Variants in CNTLN observed in about 807,000 individuals in gnomAD.
CNTLN encodes the protein centlein.
A neutral mutation model predicts 180.0 loss-of-function variants in CNTLN; 212 were observed. The ratio of observed to expected loss-of-function variants is 1.18; its 90% CI spans 1.05 to 1.32. The LOEUF is 1.32. CNTLN is among the 40% of genes most tolerant of loss of function. The pLI, the probability that CNTLN is intolerant of heterozygous loss-of-function variation, is 0.00. For synonymous variants in CNTLN, 722 were observed against 563.1 expected, an observed-to-expected ratio of 1.28 and a Z score of -3.99; for missense variants, 2,095 against 1,610.9, an observed-to-expected ratio of 1.30 and a Z score of -5.14.
intron 18 of CNTLN, among the ~76,000 whole-genome samples, chr9:17,417,641 G>A (rs1350424330): frequency 1.3e-5 from 2 of 151,888 alleles, no homozygotes; most frequent in African/African-American, 4.8e-5. Context: ...ATTCTCCTTG[G>A]AAAAGGATTT....
intron 5 of CNTLN, among the ~76,000 whole-genome samples, chr9:17,267,030 C>A (rs1344284350): frequency 6.6e-6 from 1 of 152,034 alleles, no homozygotes; most frequent in Non-Finnish European, 1.5e-5. Flanking sequence ...AGCATGTTGC[C>A]CATTTACATT....
chr9:17,255,091 T>C (rs1346770665), intron 5 of CNTLN, among the ~76,000 whole-genome samples: 2 of 151,820 alleles, frequency 1.3e-5, no homozygotes, highest in Non-Finnish European at 3.0e-5. Context: ...TGTTAGTGTA[T>C]AGAATCTTAA....
At chr9:17,247,779 CTTTTT>C (rs572267371) in intron 5 of CNTLN, among the ~76,000 whole-genome samples, 1 of 108,482 alleles carries the variant, frequency 9.2e-6, no homozygotes, top group Non-Finnish European at 2.0e-5. Flanking sequence ...AATACTTTTA[CTTTTT>C]TTTTTTTTTT....
At position 17,486,963 on chromosome 9, in the gene CNTLN, C is replaced by A. The variant is rs565373920; in HGVS notation, c.4042-26C>A. The stretch of plus-strand genomic sequence containing the variant: ...CAAGTTCATATAAATTTCGTTAACA[C>A]CAGTGTTTTTATTTTTTTTCTTCAG... On this transcript the variant is annotated intron_variant, in intron 24 of 25. Transcript: ENST00000380647. 2.4e-5 allele frequency: 31 copies of A among 1,270,616 alleles called. 1 individual carries two copies. In the South Asian group the frequency reaches 3.4e-4, roughly 14 times the overall value. The allele number at this position is 1,270,616 out of a possible 1,614,324, so 78.7% of individuals were successfully genotyped here. A position where few individuals can be genotyped will look rare whatever the true frequency, so the allele number is the denominator to read the frequency against.
At chr9:17,383,490 G>C (rs1232380311) in intron 13 of CNTLN, among the ~76,000 whole-genome samples, 1 of 151,614 alleles carries the variant, frequency 6.6e-6, no homozygotes, top group Non-Finnish European at 1.5e-5. Flanking sequence ...TTCCAGCCTG[G>C]GTGATACAGC....
At chr9:17,211,536 G>T (rs1404646001) in intron 2 of CNTLN, among the ~76,000 whole-genome samples, 2 of 152,088 alleles carry the variant, frequency 1.3e-5, no homozygotes, top group African/African-American at 4.8e-5. Context: ...TTGGCAATGC[G>T]GGCTCTTTTT....
chr9:17,397,971 T>C (rs1048947029), intron 15 of CNTLN, among the ~76,000 whole-genome samples: 3 of 152,116 alleles, frequency 2.0e-5, no homozygotes, highest in Non-Finnish European at 4.4e-5. Flanking sequence ...TTCTTTCTTT[T>C]AGATTTTTAT....
intron 12 of CNTLN, among the ~76,000 whole-genome samples, chr9:17,353,869 G>A (rs1004551973): frequency 6.6e-6 from 1 of 152,306 alleles, no homozygotes; most frequent in African/African-American, 2.4e-5. Flanking sequence ...CCACTGCACT[G>A]TGGGAGCCCC....
chr9:17,466,073 G>A lies in CNTLN; in HGVS notation c.3624G>A (p.Gln1208=). 3.7e-6 allele frequency: 6 copies of A among 1,605,970 alleles called. No individual in the cohort carries two copies. The highest frequency in any genetic ancestry group is 5.1e-6 in the Non-Finnish European group (6 of 1,174,806). ...RLNVAVKEKS[Q]YEQMYQKSKE... is the part of the protein sequence containing the mutation. ...ACGTTGCTGTAAAAGAAAAGTCACA[G>A]TATGAACAGATGTATCAGAAATCTA... is the stretch of plus-strand genomic sequence containing the variant. Residue 1208 remains glutamine (Q), a synonymous_variant, in exon 22 of 26, where the codon CAG becomes CAA. Coordinates refer to ENST00000380647, the MANE Select transcript of CNTLN (RefSeq NM_017738.4).
chr9:17,499,649 G>A (rs1166667464), intron 25 of CNTLN, among the ~76,000 whole-genome samples: 3 of 152,076 alleles, frequency 2.0e-5, no homozygotes, highest in Non-Finnish European at 1.5e-5. Flanking sequence ...TTAAATTGTT[G>A]CATTTATTTG....
intron 8 of CNTLN, among the ~76,000 whole-genome samples, chr9:17,321,444 A>G (rs1171476685): frequency 1.3e-5 from 2 of 152,188 alleles, no homozygotes; most frequent in African/African-American, 4.8e-5. Flanking sequence ...TGCCTTCTCC[A>G]GTGATTGACA....
chr9:17,479,401 C>CT (rs1832519695), intron 23 of CNTLN, among the ~76,000 whole-genome samples: 1 of 152,176 alleles, frequency 6.6e-6, no homozygotes, highest in African/African-American at 2.4e-5. Context: ...TGGATAAACT[C>CT]CGACGGCATT....
rs1564159417 is a variant in CNTLN, at chr9:17,503,609, C to T, written c.*957C>T. On this transcript the variant is annotated 3_prime_UTR_variant, in exon 26 of 26. Transcript: ENST00000380647. ...TTCCCCGGTCCCTCAGAGACACATT[C>T]TCTGACCAGCTTACTATTTTATTTC... The T allele has an allele frequency of 6.6e-6, 1 of 152,430 alleles. No homozygotes were observed. The highest frequency in any genetic ancestry group is 1.5e-5 in the Non-Finnish European group (1 of 68,062). 9.4% of individuals were successfully genotyped at this position (152,430 alleles called of 1,614,324 possible). A position where few individuals can be genotyped will look rare whatever the true frequency, so the allele number is the denominator to read the frequency against.
chr9:17,155,301 A>G (rs760527839), intron 2 of CNTLN, among the ~76,000 whole-genome samples: 1 of 152,202 alleles, frequency 6.6e-6, no homozygotes, highest in Non-Finnish European at 1.5e-5. Flanking sequence ...GTCAGTATAC[A>G]TGGGAGTCAG....
At chr9:17,262,781 C>A (rs986869895) in intron 5 of CNTLN, among the ~76,000 whole-genome samples, 1 of 151,052 alleles carries the variant, frequency 6.6e-6, no homozygotes, top group Non-Finnish European at 1.5e-5. Context: ...CTGTATTTTT[C>A]CAGTTCTTAA....
intron 2 of CNTLN, among the ~76,000 whole-genome samples, chr9:17,171,736 C>T (rs1820433622): frequency 6.6e-6 from 1 of 151,860 alleles, no homozygotes; most frequent in Admixed American, 6.6e-5. Context: ...GCACAGGCAC[C>T]CCCACCGGTT....
chr9:17,369,455 A>G (rs1054924759), intron 13 of CNTLN, among the ~76,000 whole-genome samples: 1 of 152,140 alleles, frequency 6.6e-6, no homozygotes, highest in Non-Finnish European at 1.5e-5. Context: ...CTGCAGAAAC[A>G]GATATGTAGC....
intron 2 of CNTLN, among the ~76,000 whole-genome samples, chr9:17,214,090 T>G (rs1365067973): frequency 6.6e-6 from 1 of 152,230 alleles, no homozygotes; most frequent in African/African-American, 2.4e-5. Flanking sequence ...AATTTGATCC[T>G]GTCATTATGA....
At chr9:17,372,679 G>A (rs573322901) in intron 13 of CNTLN, among the ~76,000 whole-genome samples, 1 of 152,142 alleles carries the variant, frequency 6.6e-6, no homozygotes, top group Non-Finnish European at 1.5e-5. Context: ...TCAAAAAAAG[G>A]AAACTATAGT....
Sources: allele counts gnomAD v4.1 joint callset (sites outside exome capture counted in the v4.1 genomes callset), GRCh38; gene constraint gnomAD v4.1.1; transcripts MANE v1.5; gene names NCBI Gene and HGNC (gene_info 2026-07-23, HGNC 2026-07-21).